MAGI2: variants seen among roughly 807,000 people sequenced by gnomAD.
MAGI2 encodes membrane-associated guanylate kinase, WW and PDZ domain-containing protein 2.
MAGI2 carries 35 observed loss-of-function variants against 133.3 expected under a neutral mutation model. The observed-to-expected ratio is 0.26, with a 90% CI of 0.20 to 0.35. MAGI2 has a LOEUF of 0.35. Among genes scored for constraint, MAGI2 ranks in the 10% least tolerant of loss-of-function variants. The pLI is 1.00. For missense variants in MAGI2, 1,636 were observed against 1,863.4 expected (o/e 0.88, Z 2.25); for synonymous variants, 729 against 710.6 (o/e 1.03, Z -0.41).
At chr7:78,620,039 T>C (rs1393936862) in intron 3 of MAGI2, among the ~76,000 whole-genome samples, 1 of 151,994 alleles carries the variant, frequency 6.6e-6, no homozygotes, top group African/African-American at 2.4e-5. Context: ...ACTGCTGTTA[T>C]GAAGGTTATT....
At chr7:78,890,317 A>G (rs1304122944) in intron 2 of MAGI2, among the ~76,000 whole-genome samples, 2 of 152,312 alleles carry the variant, frequency 1.3e-5, no homozygotes, top group East Asian at 1.9e-4. Context: ...GGACAGATCA[A>G]TGAGACAGAA....
intron 9 of MAGI2, among the ~76,000 whole-genome samples, chr7:78,339,672 AT>A (rs1790148138): frequency 1.3e-5 from 2 of 152,284 alleles, no homozygotes; most frequent in East Asian, 3.9e-4. Flanking sequence ...CAATAGGGTA[AT>A]TTTTATTGAA....
At chr7:78,051,876 T>C (rs1021362033) in intron 21 of MAGI2, among the ~76,000 whole-genome samples, 5 of 137,728 alleles carry the variant, frequency 3.6e-5, no homozygotes, top group African/African-American at 1.2e-4. Context: ...TGAGCCACCA[T>C]ACCCAGCCTT....
intron 7 of MAGI2, chr7:78,347,102 G>A (rs1037074914): frequency 6.6e-6 from 1 of 152,210 alleles, no homozygotes; most frequent in African/African-American, 2.4e-5. Context: ...GGCTGGACTT[G>A]GCCGGGTTTA....
At chr7:78,283,688 T>C (rs1209232767) in intron 9 of MAGI2, among the ~76,000 whole-genome samples, 1 of 152,104 alleles carries the variant, frequency 6.6e-6, no homozygotes, top group Non-Finnish European at 1.5e-5. Context: ...ATAACTGTGA[T>C]CTAGCTTGTG....
chr7:79,446,209 T>C (rs912617414), intron 1 of MAGI2, among the ~76,000 whole-genome samples: 4 of 152,114 alleles, frequency 2.6e-5, no homozygotes, highest in African/African-American at 9.7e-5. Context: ...CAGATATACC[T>C]AATGTTAAAT....
chr7:79,250,443 A>G (rs1483345089), intron 1 of MAGI2, among the ~76,000 whole-genome samples: 3 of 152,062 alleles, frequency 2.0e-5, no homozygotes, highest in African/African-American at 7.2e-5. Context: ...TACCATTTGT[A>G]TATAACAAAA....
chr7:79,313,942 A>C (rs1838499790), intron 1 of MAGI2, among the ~76,000 whole-genome samples: 1 of 151,774 alleles, frequency 6.6e-6, no homozygotes, highest in South Asian at 2.1e-4. Flanking sequence ...AGCTGAGACT[A>C]CAGGAACACA....
intron 1 of MAGI2, among the ~76,000 whole-genome samples, chr7:79,254,107 A>G (rs900018165): frequency 6.8e-6 from 1 of 147,058 alleles, no homozygotes; most frequent in Non-Finnish European, 1.5e-5. Flanking sequence ...GGAAAGTGAT[A>G]TCTTGGTGTT....
chr7:78,392,361 T>C (rs2151318325), intron 6 of MAGI2, among the ~76,000 whole-genome samples: 2 of 152,136 alleles, frequency 1.3e-5, no homozygotes, highest in South Asian at 4.2e-4. Context: ...AGGTAAAAGA[T>C]GGGGAAAAGT....
chr7:79,410,784 A>T lies in MAGI2; in HGVS notation c.301+42236T>A, dbSNP rs185812035. On this transcript the variant is annotated intron_variant, in intron 1 of 21. Transcript: ENST00000354212. ...AACTACTATAGTGATTGCCAAAAGT[A>T]AAATTTTTGAATGCAGATATCAAGG... 7.4e-4 allele frequency: 112 copies of T among 152,296 alleles called. 2 individuals carry two copies. The East Asian group carries it at 0.02, about 27-fold the overall frequency. The allele number at this position is 152,296 out of a possible 1,614,324, so 9.4% of individuals were successfully genotyped here.
chr7:78,556,808 G>A lies in MAGI2; in HGVS notation c.539-35163C>T, dbSNP rs576702423. Reference sequence around the variant, plus strand: ...CCACTTAAAGAATTGTGGGTTTGCCGCCGGGCATGGTGGCTCACGCCTGTA... The same window carrying A: ...CCACTTAAAGAATTGTGGGTTTGCCACCGGGCATGGTGGCTCACGCCTGTA... On this transcript the variant is annotated intron_variant, in intron 3 of 21. Coordinates refer to ENST00000354212, the MANE Select transcript of MAGI2 (RefSeq NM_012301.4). 4.6e-5 allele frequency among the ~76,000 whole-genome samples: 7 copies of A among 152,188 alleles called. No individual in the cohort carries two copies. The East Asian group carries it at 7.7e-4, about 17-fold the overall frequency.
chr7:78,770,188 T>A (rs989696274), intron 2 of MAGI2, among the ~76,000 whole-genome samples: 2 of 152,216 alleles, frequency 1.3e-5, no homozygotes, highest in Non-Finnish European at 2.9e-5. Context: ...AGAAATTATG[T>A]GTTTGTTTTA....
intron 2 of MAGI2, among the ~76,000 whole-genome samples, chr7:78,763,399 C>A (rs933257423): frequency 6.6e-6 from 1 of 152,168 alleles, no homozygotes; most frequent in Admixed American, 6.5e-5. Context: ...CTTCTTTTCA[C>A]GTTTTCACTT....
At chr7:79,212,488 TC>T (rs1403395057) in intron 1 of MAGI2, among the ~76,000 whole-genome samples, 1 of 152,132 alleles carries the variant, frequency 6.6e-6, no homozygotes, top group Non-Finnish European at 1.5e-5. Context: ...TACTATTTCC[TC>T]AAACTCTTGC....
At chr7:78,223,076 C>G in intron 10 of MAGI2, among the ~76,000 whole-genome samples, 1 of 152,166 alleles carries the variant, frequency 6.6e-6, no homozygotes, top group East Asian at 1.9e-4. Context: ...TCTCAATTGT[C>G]TGGGCAGTCA....
intron 2 of MAGI2, among the ~76,000 whole-genome samples, chr7:78,772,637 A>C (rs1825682259): frequency 6.6e-6 from 1 of 152,226 alleles, no homozygotes; most frequent in Non-Finnish European, 1.5e-5. Context: ...CCTAAAATGA[A>C]TAAGAACTAT....
intron 1 of MAGI2, among the ~76,000 whole-genome samples, chr7:79,246,658 A>G (rs1351328043): frequency 2.0e-5 from 3 of 151,700 alleles, no homozygotes; most frequent in Admixed American, 1.3e-4. Context: ...ATAAATCTAG[A>G]AAAAAAAGCC....
intron 1 of MAGI2, among the ~76,000 whole-genome samples, chr7:79,090,577 C>T (rs532201672): frequency 6.6e-6 from 1 of 151,972 alleles, no homozygotes; most frequent in Non-Finnish European, 1.5e-5. Context: ...GTAGCTCATG[C>T]GACATGTATA....
Sources: gnomAD v4.1 joint callset for allele counts (sites outside exome capture counted in the v4.1 genomes callset) on GRCh38, gnomAD v4.1.1 for gene constraint, MANE v1.5 for transcripts, NCBI Gene and HGNC (gene_info 2026-07-23, HGNC 2026-07-21) for gene names.